SHC3: variants seen among roughly 807,000 people sequenced by gnomAD.
SHC3 encodes SHC adaptor protein 3, also known as SHC-transforming protein 3.
Under a neutral mutation model 60.4 loss-of-function variants are expected in SHC3, and 15 were observed. That is an observed-to-expected ratio of 0.25 (90% CI 0.17 to 0.38). SHC3 has a LOEUF of 0.38. Among genes scored for constraint, SHC3 ranks in the 10% least tolerant of loss-of-function variants. SHC3 has a pLI of 1.00. For synonymous variants in SHC3, 294 were observed against 325.9 expected, an observed-to-expected ratio of 0.90 and a Z score of 1.05; for missense variants, 677 against 786.1, an observed-to-expected ratio of 0.86 and a Z score of 1.66.
intron 3 of SHC3, 42 bp from the exon 4 acceptor site, chr9:89,075,270 T>A (rs375748951): frequency 3.2e-5 from 51 of 1,605,212 alleles, no homozygotes; most frequent in Non-Finnish European, 4.2e-5. Flanking sequence ...TTCATTTCCA[T>A]CTCAAAGGGT....
intron 1 of SHC3, among the ~76,000 whole-genome samples, chr9:89,120,004 A>T (rs1016005475): frequency 6.6e-6 from 1 of 152,176 alleles, no homozygotes; most frequent in Non-Finnish European, 1.5e-5. Flanking sequence ...CCATGGAGCA[A>T]TGCAGCCTAG....
chr9:89,029,815 CTG>C (rs1488776154), intron 11 of SHC3, among the ~76,000 whole-genome samples: 1 of 152,022 alleles, frequency 6.6e-6, no homozygotes, highest in Non-Finnish European at 1.5e-5. Context: ...TTAAAAGCAT[CTG>C]TAAAAAAAGT....
chr9:89,089,644 G>T (rs76354934), intron 2 of SHC3, among the ~76,000 whole-genome samples: 18,184 of 152,244 alleles, frequency 0.12, 1,244 homozygotes, highest in African/African-American at 0.15. Context: ...TCAGAGGAGG[G>T]TCTTAACTCT....
intron 1 of SHC3, among the ~76,000 whole-genome samples, chr9:89,121,777 T>C (rs1379297234): frequency 6.6e-6 from 1 of 152,228 alleles, no homozygotes; most frequent in Non-Finnish European, 1.5e-5. Flanking sequence ...TATGGTGAAT[T>C]ATAAACAAAT....
intron 1 of SHC3, among the ~76,000 whole-genome samples, chr9:89,124,074 C>T (rs909509282): frequency 4.0e-5 from 6 of 150,008 alleles, no homozygotes; most frequent in African/African-American, 1.5e-4. Flanking sequence ...TGCCAGCAAA[C>T]ATATGAAAAA....
At position 89,052,172 on chromosome 9, in the gene SHC3, G is replaced by A; in HGVS notation, c.836-9C>T. On this transcript the variant is annotated splice_polypyrimidine_tract_variant and intron_variant, in intron 6 of 11. Coordinates refer to ENST00000375835, the MANE Select transcript of SHC3 (RefSeq NM_016848.6). The stretch of plus-strand genomic sequence containing the variant: ...TTCCAAAATGTGACAAGCTGGGAAA[G>A]CAAGTGACATGGGCCTATTAGAGAC... The A allele has an allele frequency of 6.2e-7, 1 of 1,613,264 alleles. No homozygotes were observed.
intron 1 of SHC3, among the ~76,000 whole-genome samples, chr9:89,169,529 A>C (rs1826838368): frequency 6.6e-6 from 1 of 152,172 alleles, no homozygotes; most frequent in East Asian, 1.9e-4. Context: ...CCACGTGCCA[A>C]CTTGAGGCCC....
At chr9:89,156,625 A>C (rs1434734882) in intron 1 of SHC3, among the ~76,000 whole-genome samples, 3 of 152,206 alleles carry the variant, frequency 2.0e-5, no homozygotes, top group Non-Finnish European at 4.4e-5. Context: ...GGTTCCCTGT[A>C]AAAACCAAAG....
At chr9:89,024,554 T>C (rs879892519) in intron 11 of SHC3, among the ~76,000 whole-genome samples, 4 of 152,178 alleles carry the variant, frequency 2.6e-5, no homozygotes, top group Non-Finnish European at 4.4e-5. Flanking sequence ...TGACACTCCT[T>C]ATAGGAAGTT....
At chr9:89,027,889 G>T (rs1216701300) in intron 11 of SHC3, among the ~76,000 whole-genome samples, 2 of 152,208 alleles carry the variant, frequency 1.3e-5, no homozygotes, top group Admixed American at 1.3e-4. Context: ...GGGAAGGAGG[G>T]CAGCCAGGCT....
At chr9:89,124,022 T>C (rs1159113225) in intron 1 of SHC3, among the ~76,000 whole-genome samples, 1 of 151,974 alleles carries the variant, frequency 6.6e-6, no homozygotes, top group Non-Finnish European at 1.5e-5. Flanking sequence ...TAGCTAATAA[T>C]AGAAGTGTTT....
intron 11 of SHC3, among the ~76,000 whole-genome samples, chr9:89,023,833 C>T (rs115028848): frequency 0.032 from 4,899 of 152,264 alleles, 173 homozygotes; most frequent in African/African-American, 0.083. Context: ...ACATATCCTT[C>T]CTCATTTTTA....
At chr9:89,102,194 C>T (rs1370999801) in intron 2 of SHC3, among the ~76,000 whole-genome samples, 4 of 152,080 alleles carry the variant, frequency 2.6e-5, no homozygotes, top group Non-Finnish European at 5.9e-5. Flanking sequence ...TGATATTGGT[C>T]ATTTGAACTT....
chr9:89,042,032 C>CA lies in SHC3; in HGVS notation c.1353dup (p.Asp452Ter). ...GAGACAAACAGAAACCCACTCATGT[C>CA]AAAGAGGTCTTTCCTTGGGCTGCTC... On this transcript the variant is annotated frameshift_variant, in exon 10 of 12. Transcript: ENST00000375835. LOFTEE classifies it high-confidence loss of function. The CA allele has an allele frequency of 6.2e-7, 1 of 1,613,820 alleles. No individual in the cohort carries two copies. The highest frequency in any genetic ancestry group is 8.5e-7 in the Non-Finnish European group (1 of 1,179,960).
intron 1 of SHC3, among the ~76,000 whole-genome samples, chr9:89,126,219 C>A (rs1564163344): frequency 6.6e-6 from 1 of 152,128 alleles, no homozygotes; most frequent in Non-Finnish European, 1.5e-5. Flanking sequence ...CTTAGAGGAG[C>A]TAGAGACTCT....
At chr9:89,032,240 G>A (rs370765101) in intron 11 of SHC3, among the ~76,000 whole-genome samples, 1 of 152,222 alleles carries the variant, frequency 6.6e-6, no homozygotes, top group African/African-American at 2.4e-5. Flanking sequence ...ATAAAGTGAG[G>A]ATTAGGGAAC....
intron 11 of SHC3, among the ~76,000 whole-genome samples, chr9:89,035,369 A>G (rs1824554437): frequency 6.6e-6 from 1 of 152,026 alleles, no homozygotes; most frequent in Non-Finnish European, 1.5e-5. Context: ...AATCAGTATA[A>G]AGAAGAATAT....
At chr9:89,094,710 C>T (rs1017198815) in intron 2 of SHC3, among the ~76,000 whole-genome samples, 1 of 152,096 alleles carries the variant, frequency 6.6e-6, no homozygotes, top group African/African-American at 2.4e-5. Context: ...CTGTTTGCAA[C>T]AGAAGCCCTG....
chr9:89,009,064 C>T lies in SHC3; in HGVS notation c.*4383G>A, dbSNP rs546393136. The T allele has an allele frequency of 8.5e-5, 13 of 152,238 alleles. No individual in the cohort carries two copies. Among genetic ancestry groups the T allele is most frequent in the African/African-American group, 2.2e-4 (9 of 41,452 alleles). The allele number at this position is 152,238 out of a possible 1,614,324, so 9.4% of individuals were successfully genotyped here. ...GGAGGGAAGCACTGCTTGCCATTTC[C>T]GTGGGGCAGGGGGCTAGCTTTACGT... is the stretch of plus-strand genomic sequence containing the variant. On this transcript the variant is annotated 3_prime_UTR_variant, in exon 12 of 12. Coordinates refer to ENST00000375835, the MANE Select transcript of SHC3 (RefSeq NM_016848.6).
Sources: gnomAD v4.1 joint callset for allele counts (sites outside exome capture counted in the v4.1 genomes callset) on GRCh38, gnomAD v4.1.1 for gene constraint, MANE v1.5 for transcripts, NCBI Gene and HGNC (gene_info 2026-07-23, HGNC 2026-07-21) for gene names.